The following GOLGA4 variants were observed in gnomAD, a reference collection of about 807,000 sequenced individuals.
The protein encoded by GOLGA4 is golgin subfamily A member 4.
In GOLGA4, 169 loss-of-function variants were observed where a neutral mutation model predicts 265.9. The ratio of observed to expected loss-of-function variants is 0.64; its 90% CI spans 0.56 to 0.72. The LOEUF (loss-of-function observed/expected upper bound fraction) is 0.72, where lower values mean the gene tolerates loss of function less well. Ranked by LOEUF, GOLGA4 falls within the 30% of genes least tolerant of loss-of-function variation. The pLI is 0.00. For missense variants in GOLGA4, 2,482 were observed against 2,483.4 expected, an observed-to-expected ratio of 1.00 and a Z score of 0.01; for synonymous variants, 923 against 855.8, an observed-to-expected ratio of 1.08 and a Z score of -1.37.
intron 22 of GOLGA4, among the ~76,000 whole-genome samples, chr3:37,358,449 G>A (rs2097096082): frequency 6.6e-6 from 1 of 152,090 alleles, no homozygotes; most frequent in Non-Finnish European, 1.5e-5. Context: ...TGTTAAGTAA[G>A]GTTAAATTAC....
Position 37,363,410 on chromosome 3 carries a change from AATTG to A in GOLGA4, c.*33+2110_*33+2113del, listed in dbSNP as rs1200218129. 3.3e-5 allele frequency among the ~76,000 whole-genome samples: 5 copies of A among 152,336 alleles called. No homozygotes were observed. The South Asian group carries it at 1.0e-3, about 32-fold the overall frequency. ...TGTGCAGCATTTCTATTAATTGATT[AATTG>A]ATTGTCTCCTCAACTTTTAGTTTGA... On this transcript the variant is annotated intron_variant, in intron 23 of 23. Transcript: ENST00000361924.
intron 5 of GOLGA4, among the ~76,000 whole-genome samples, chr3:37,292,379 T>G (rs895743221): frequency 6.6e-6 from 1 of 152,172 alleles, no homozygotes; most frequent in Non-Finnish European, 1.5e-5. Flanking sequence ...TTTATTGCCA[T>G]TATTTCATTA....
intron 20 of GOLGA4, among the ~76,000 whole-genome samples, chr3:37,340,439 G>C (rs1402576941): frequency 6.6e-6 from 1 of 151,982 alleles, no homozygotes; most frequent in Admixed American, 6.6e-5. Flanking sequence ...CCTTTTTTGT[G>C]TGTGTGTGAT....
chr3:37,296,214 C>CAGTAGGTA lies in GOLGA4; in HGVS notation c.812_814+5dup, dbSNP rs1378452588. 6.2e-7 allele frequency: 1 copy of CAGTAGGTA among 1,614,000 alleles called. No homozygotes were observed. The highest frequency in any genetic ancestry group is 1.7e-5 in the Admixed American group (1 of 60,000). The stretch of plus-strand genomic sequence containing the variant: ...GAGAATCCAGAAAGTGATGGAGAGC[C>CAGTAGGTA]AGTAGGTAAGCTTCATTTTGTCAAA... On this transcript the variant is annotated frameshift_variant, in exon 7 of 24. Transcript: ENST00000361924. LOFTEE classifies it high-confidence loss of function.
chr3:37,334,937 A>G (rs2097004798), intron 16 of GOLGA4, 116 bp from the exon 17 acceptor site: 1 of 602,796 alleles, frequency 1.7e-6, no homozygotes, highest in South Asian at 2.2e-5. Context: ...TTATTTCCCT[A>G]CAGAGGTAGT....
At chr3:37,274,949 C>T (rs543384682) in intron 2 of GOLGA4, among the ~76,000 whole-genome samples, 9 of 151,918 alleles carry the variant, frequency 5.9e-5, no homozygotes, top group Admixed American at 4.6e-4. Context: ...TGCGGTGGCT[C>T]ATGCCTGTAA....
intron 23 of GOLGA4, among the ~76,000 whole-genome samples, chr3:37,361,757 A>G (rs1696290309): frequency 6.6e-6 from 1 of 152,250 alleles, no homozygotes; most frequent in Non-Finnish European, 1.5e-5. Flanking sequence ...AGAAATAATG[A>G]AAACTAGTAA....
At chr3:37,348,616 G>A (rs2097063731) in intron 21 of GOLGA4, among the ~76,000 whole-genome samples, 1 of 152,106 alleles carries the variant, frequency 6.6e-6, no homozygotes, top group African/African-American at 2.4e-5. Flanking sequence ...CCTTGTTATT[G>A]TATTGGGGGT....
chr3:37,341,902 A>G (rs2097036105), intron 20 of GOLGA4: 2 of 152,234 alleles, frequency 1.3e-5, no homozygotes. Flanking sequence ...CTAAACACTT[A>G]CAAACACGTT....
intron 21 of GOLGA4, among the ~76,000 whole-genome samples, chr3:37,347,857 A>G (rs1010070670): frequency 2.0e-5 from 3 of 152,132 alleles, no homozygotes; most frequent in African/African-American, 7.2e-5. Context: ...GTCTTGTCTT[A>G]TTCTTATTTG....
At chr3:37,314,744 T>C (rs1302030394) in intron 10 of GOLGA4, among the ~76,000 whole-genome samples, 3 of 152,066 alleles carry the variant, frequency 2.0e-5, no homozygotes, top group Admixed American at 6.5e-5. Context: ...TTCTTCCTTA[T>C]CTTACCCAAA....
chr3:37,342,444 T>TA (rs1056689573), intron 20 of GOLGA4, among the ~76,000 whole-genome samples: 5 of 152,342 alleles, frequency 3.3e-5, no homozygotes, highest in African/African-American at 1.2e-4. Context: ...ACAATATCTT[T>TA]ATCCCTCTCA....
At chr3:37,276,131 A>T in intron 2 of GOLGA4, 1 of 1,608,918 alleles carries the variant, frequency 6.2e-7, no homozygotes, top group Non-Finnish European at 8.5e-7. Context: ...GTGTAGGGAG[A>T]TGCTTGCTGC....
At chr3:37,327,962 G>A (rs2096977366) in intron 14 of GOLGA4, 137 bp downstream of exon 14, 1 of 671,900 alleles carries the variant, frequency 1.5e-6, no homozygotes, top group Admixed American at 3.3e-5. Flanking sequence ...AATCCAATAT[G>A]TTAAATATGA....
At chr3:37,268,812 C>T (rs1056415374) in intron 2 of GOLGA4, among the ~76,000 whole-genome samples, 3 of 152,184 alleles carry the variant, frequency 2.0e-5, no homozygotes, top group African/African-American at 7.2e-5. Context: ...TCAAGTGATC[C>T]ACCTGCCTCG....
At chr3:37,304,795 T>G (rs905387109) in intron 10 of GOLGA4, among the ~76,000 whole-genome samples, 4 of 152,168 alleles carry the variant, frequency 2.6e-5, no homozygotes, top group Admixed American at 6.5e-5. Flanking sequence ...GTAGAACAGC[T>G]TTCCTTCCCT....
intron 1 of GOLGA4, among the ~76,000 whole-genome samples, chr3:37,248,058 GA>G (rs1325817365): frequency 1.3e-5 from 2 of 152,130 alleles, no homozygotes; most frequent in African/African-American, 4.8e-5. Flanking sequence ...TAACAATTAT[GA>G]GAGTGATAGC....
At chr3:37,328,601 A>G (rs1274098432) in intron 15 of GOLGA4, 64 bp downstream of exon 15, 9 of 1,428,924 alleles carry the variant, frequency 6.3e-6, no homozygotes, top group Non-Finnish European at 8.6e-6. Context: ...TAAGCTTATC[A>G]TTTTTGCAGT....
At chr3:37,334,826 G>T (rs1011441859) in intron 16 of GOLGA4, among the ~76,000 whole-genome samples, 2 of 152,050 alleles carry the variant, frequency 1.3e-5, no homozygotes, top group African/African-American at 4.8e-5. Flanking sequence ...ATGAGCATTG[G>T]AAAGGGCTTG....
Sources: gnomAD v4.1 joint callset for allele counts (sites outside exome capture counted in the v4.1 genomes callset) on GRCh38, gnomAD v4.1.1 for gene constraint, MANE v1.5 for transcripts, NCBI Gene and HGNC (gene_info 2026-07-23, HGNC 2026-07-21) for gene names.